SOBP: variants seen among roughly 807,000 people sequenced by gnomAD.
SOBP encodes sine oculis binding protein homolog.
SOBP carries 4 observed loss-of-function variants against 53.6 expected under a neutral mutation model. The observed-to-expected ratio is 0.07, with a 90% CI of 0.04 to 0.17. The LOEUF is 0.17. SOBP is among the 10% of genes least tolerant of loss of function. The pLI, the probability that SOBP is intolerant of heterozygous loss-of-function variation, is 1.00. For missense variants in SOBP, 1,088 were observed against 1,204.7 expected, an observed-to-expected ratio of 0.90 and a Z score of 1.43; for synonymous variants, 584 against 522.6, an observed-to-expected ratio of 1.12 and a Z score of -1.60.
intron 4 of SOBP, among the ~76,000 whole-genome samples, chr6:107,550,436 T>C (rs1177032564): frequency 6.6e-6 from 1 of 152,224 alleles, no homozygotes; most frequent in Non-Finnish European, 1.5e-5. Context: ...TACGCATTTA[T>C]TCAACAAGCA....
chr6:107,654,915 T>G, intron 6 of SOBP, among the ~76,000 whole-genome samples: 3 of 135,408 alleles, frequency 2.2e-5, no homozygotes, highest in African/African-American at 2.8e-5. Context: ...TGAGGGAGGG[T>G]GGGTGAGGAA....
At chr6:107,516,525 G>C (rs1379810753) in intron 3 of SOBP, among the ~76,000 whole-genome samples, 1 of 151,398 alleles carries the variant, frequency 6.6e-6, no homozygotes, top group Non-Finnish European at 1.5e-5. Context: ...ACCCACTTCT[G>C]TACCGGAAAT....
At chr6:107,652,546 A>C (rs1381276846) in intron 6 of SOBP, among the ~76,000 whole-genome samples, 2 of 152,256 alleles carry the variant, frequency 1.3e-5, no homozygotes, top group Non-Finnish European at 2.9e-5. Flanking sequence ...ATGAAATTAC[A>C]ACAAAGGATT....
intron 6 of SOBP, among the ~76,000 whole-genome samples, chr6:107,650,455 C>A (rs1771757626): frequency 6.6e-6 from 1 of 152,232 alleles, no homozygotes; most frequent in African/African-American, 2.4e-5. Flanking sequence ...CTATCAATGC[C>A]ATTTTTCCAA....
chr6:107,588,301 A>G (rs928067781), intron 5 of SOBP, among the ~76,000 whole-genome samples: 21 of 152,204 alleles, frequency 1.4e-4, no homozygotes, highest in African/African-American at 4.6e-4. Flanking sequence ...ACATGTTGAC[A>G]GCAAGAACCT....
chr6:107,649,463 C>A (rs973941526), intron 6 of SOBP, among the ~76,000 whole-genome samples: 6 of 151,540 alleles, frequency 4.0e-5, no homozygotes, highest in African/African-American at 1.5e-4. Flanking sequence ...GGTGACAGAG[C>A]AAGACCCTGT....
At chr6:107,503,835 A>T in intron 2 of SOBP, 40 bp downstream of exon 2, 1 of 1,610,958 alleles carries the variant, frequency 6.2e-7, no homozygotes, top group East Asian at 2.2e-5. Context: ...GCAAAGAAGG[A>T]TTAACTATCT....
At chr6:107,526,268 G>C (rs1181472658) in intron 3 of SOBP, among the ~76,000 whole-genome samples, 1 of 152,130 alleles carries the variant, frequency 6.6e-6, no homozygotes, top group Non-Finnish European at 1.5e-5. Flanking sequence ...GTTTTATTGA[G>C]AAACATTTGG....
At chr6:107,650,841 A>G (rs1170064078) in intron 6 of SOBP, among the ~76,000 whole-genome samples, 12 of 152,238 alleles carry the variant, frequency 7.9e-5, no homozygotes, top group Non-Finnish European at 1.5e-4. Flanking sequence ...TCTCATTTTG[A>G]ATCAAAAGCT....
chr6:107,593,641 T>C (rs1025375305), intron 5 of SOBP, among the ~76,000 whole-genome samples: 3 of 152,328 alleles, frequency 2.0e-5, no homozygotes, highest in African/African-American at 7.2e-5. Flanking sequence ...AGCACCTGCC[T>C]ACCTCATGGG....
intron 5 of SOBP, among the ~76,000 whole-genome samples, chr6:107,604,028 C>T (rs1354074235): frequency 1.3e-5 from 2 of 152,204 alleles, no homozygotes; most frequent in African/African-American, 2.4e-5. Flanking sequence ...AAGATTTGCA[C>T]ACCCTTTTCT....
intron 3 of SOBP, among the ~76,000 whole-genome samples, chr6:107,507,166 G>C (rs1783019961): frequency 6.6e-6 from 1 of 152,056 alleles, no homozygotes; most frequent in Admixed American, 6.5e-5. Context: ...TTTTGTAAAA[G>C]GACATGAGGC....
intron 5 of SOBP, among the ~76,000 whole-genome samples, chr6:107,609,826 G>A (rs1357548274): frequency 1.3e-5 from 2 of 152,160 alleles, no homozygotes; most frequent in Admixed American, 6.5e-5. Context: ...AAAGCACTAA[G>A]TCAGGACTGG....
chr6:107,655,689 A>G (rs1772003407), intron 6 of SOBP, among the ~76,000 whole-genome samples: 1 of 152,204 alleles, frequency 6.6e-6, no homozygotes, highest in East Asian at 1.9e-4. Flanking sequence ...AATGATTATT[A>G]TAGTGTTTGG....
chr6:107,520,494 C>T (rs1241097254), intron 3 of SOBP, among the ~76,000 whole-genome samples: 1 of 152,200 alleles, frequency 6.6e-6, no homozygotes, highest in East Asian at 1.9e-4. Flanking sequence ...GATTCTAGAT[C>T]ACATACTTCT....
intron 4 of SOBP, among the ~76,000 whole-genome samples, chr6:107,580,594 A>G (rs1785371705): frequency 6.6e-6 from 1 of 152,222 alleles, no homozygotes; most frequent in Non-Finnish European, 1.5e-5. Flanking sequence ...AGAAGGTGAG[A>G]TATCAGAAAC....
chr6:107,562,010 T>C (rs1784785201), intron 4 of SOBP, among the ~76,000 whole-genome samples: 1 of 151,926 alleles, frequency 6.6e-6, no homozygotes, highest in Non-Finnish European at 1.5e-5. Context: ...ACACACTTGC[T>C]TCTTAGTGGC....
chr6:107,610,792 A>ACACG (rs929626939), intron 5 of SOBP, among the ~76,000 whole-genome samples: 2 of 119,438 alleles, frequency 1.7e-5, no homozygotes, highest in South Asian at 3.0e-4. Context: ...ACGTGTGTGC[A>ACACG]CACGCACACA....
intron 5 of SOBP, among the ~76,000 whole-genome samples, chr6:107,617,867 G>T (rs1373509635): frequency 7.5e-6 from 1 of 132,828 alleles, no homozygotes; most frequent in African/African-American, 2.8e-5. Flanking sequence ...TCTCTCTGTC[G>T]CACAGGCTGG....
Sources: allele counts gnomAD v4.1 joint callset (sites outside exome capture counted in the v4.1 genomes callset), GRCh38; gene constraint gnomAD v4.1.1; transcripts MANE v1.5; gene names NCBI Gene and HGNC (gene_info 2026-07-23, HGNC 2026-07-21).